The following C2orf76 variants were observed in gnomAD, a reference collection of about 807,000 sequenced individuals.
The protein encoded by C2orf76 is chromosome 2 open reading frame 76, also known as UPF0538 protein C2orf76.
In C2orf76, 23 loss-of-function variants were observed where a neutral mutation model predicts 16.9. That is an observed-to-expected ratio of 1.36 (90% CI 0.98 to 1.93). C2orf76 has a LOEUF of 1.93. C2orf76 is among the 30% of genes most tolerant of loss of function. The pLI is 0.00. For missense variants in C2orf76, 152 were observed against 152.6 expected, an observed-to-expected ratio of 1.00 and a Z score of 0.02; for synonymous variants, 48 against 52.3, an observed-to-expected ratio of 0.92 and a Z score of 0.35.
At chr2:119,365,194 C>G (rs945734653) in intron 1 of C2orf76, among the ~76,000 whole-genome samples, 59 of 152,184 alleles carry the variant, frequency 3.9e-4, no homozygotes, top group African/African-American at 1.4e-3. Flanking sequence ...TAACTTAAAA[C>G]CTGCTGACTA....
intron 2 of C2orf76, among the ~76,000 whole-genome samples, chr2:119,331,803 T>A (rs980085520): frequency 6.6e-6 from 1 of 152,212 alleles, no homozygotes. Context: ...CTGGTCCCAC[T>A]CCATCTTGGC....
chr2:119,342,681 G>A (rs192261382), intron 1 of C2orf76, among the ~76,000 whole-genome samples: 88 of 152,204 alleles, frequency 5.8e-4, no homozygotes, highest in Non-Finnish European at 1.0e-3. Flanking sequence ...TATGTACTTG[G>A]GAAGGAATAA....
intron 5 of C2orf76, chr2:119,311,322 G>C: frequency 2.0e-6 from 2 of 985,464 alleles, no homozygotes; most frequent in Non-Finnish European, 2.4e-6. Context: ...AATGATAAGA[G>C]TAAGTAGACG....
chr2:119,286,317 G>A, the C2orf76 span, among the ~76,000 whole-genome samples: 60 of 152,084 alleles, frequency 3.9e-4, no homozygotes, highest in Non-Finnish European at 8.1e-4. Context: ...AAGGAGAGCA[G>A]GGACCAGTCT....
intron 5 of C2orf76, among the ~76,000 whole-genome samples, chr2:119,306,899 C>G (rs6542520): frequency 0.71 from 107,170 of 151,916 alleles, 38,618 homozygotes; most frequent in African/African-American, 0.86. Flanking sequence ...CTTCAAACAC[C>G]TTTTTTTCCC....
chr2:119,366,922 G>A, upstream of C2orf76: 1 of 1,202,190 alleles, frequency 8.3e-7, no homozygotes, highest in Non-Finnish European at 1.2e-6. Flanking sequence ...TGGCTTTCCG[G>A]TGCTCGCCCG....
At chr2:119,344,040 T>C (rs975553642) in intron 1 of C2orf76, among the ~76,000 whole-genome samples, 18 of 152,354 alleles carry the variant, frequency 1.2e-4, no homozygotes, top group Admixed American at 4.6e-4. Flanking sequence ...AATTACAGGT[T>C]TGTTATTTTC....
At chr2:119,282,451 T>A in the C2orf76 span, among the ~76,000 whole-genome samples, 3 of 152,228 alleles carry the variant, frequency 2.0e-5, no homozygotes, top group African/African-American at 7.2e-5. Flanking sequence ...ACAGCCAGCT[T>A]GCTCCTGTTC....
At chr2:119,302,630 A>C (rs1308483855) in intron 5 of C2orf76, 82 bp from the exon 6 acceptor site, 1 of 796,174 alleles carries the variant, frequency 1.3e-6, no homozygotes, top group Non-Finnish European at 1.9e-6. Context: ...TATGACTTTG[A>C]TTCGGTATTT....
intron 5 of C2orf76, among the ~76,000 whole-genome samples, chr2:119,308,424 G>A (rs1195210329): frequency 6.6e-5 from 10 of 152,188 alleles, no homozygotes; most frequent in Admixed American, 4.6e-4. Context: ...GTGGAAAACC[G>A]AGGTCAGGAG....
At chr2:119,364,526 A>C (rs1680863268) in intron 1 of C2orf76, among the ~76,000 whole-genome samples, 1 of 152,230 alleles carries the variant, frequency 6.6e-6, no homozygotes, top group Non-Finnish European at 1.5e-5. Flanking sequence ...AGAGAAAAAC[A>C]CTTTATTCAT....
At chr2:119,340,088 A>T in intron 1 of C2orf76, 117 bp from the exon 2 acceptor site, 10 of 1,157,772 alleles carry the variant, frequency 8.6e-6, no homozygotes, top group Non-Finnish European at 1.2e-5. Flanking sequence ...ATGCTGCATG[A>T]TCACTGACAG....
chr2:119,356,685 T>C (rs1003728752), intron 1 of C2orf76, among the ~76,000 whole-genome samples: 5 of 149,126 alleles, frequency 3.4e-5, no homozygotes, highest in Admixed American at 6.7e-5. Flanking sequence ...AGAAAAACAA[T>C]AGAAAATCCA....
intron 1 of C2orf76, among the ~76,000 whole-genome samples, chr2:119,357,028 A>G (rs766903291): frequency 2.0e-5 from 3 of 152,158 alleles, no homozygotes; most frequent in East Asian, 1.9e-4. Flanking sequence ...AGAAATCTCT[A>G]TAAGAACCTG....
chr2:119,298,313 GT>G (rs1158246545), downstream of C2orf76, among the ~76,000 whole-genome samples: 1 of 151,510 alleles, frequency 6.6e-6, no homozygotes, highest in African/African-American at 2.4e-5. Context: ...ACCCTTAACT[GT>G]TTTTTTTAAA....
the C2orf76 span, among the ~76,000 whole-genome samples, chr2:119,289,329 T>G: frequency 0.67 from 101,568 of 151,860 alleles, 34,840 homozygotes; most frequent in African/African-American, 0.8. Context: ...TGTTCCATCT[T>G]GCACTTAACC....
At chr2:119,290,903 C>T in the C2orf76 span, among the ~76,000 whole-genome samples, 1 of 152,234 alleles carries the variant, frequency 6.6e-6, no homozygotes, top group Admixed American at 6.5e-5. Context: ...ACTAGTACAA[C>T]ATGCCACCCC....
chr2:119,313,773 T>C (rs1679074976), intron 4 of C2orf76, among the ~76,000 whole-genome samples: 1 of 152,132 alleles, frequency 6.6e-6, no homozygotes. Context: ...CCCAACACAG[T>C]ATATTAGCAA....
chr2:119,355,648 T>G (rs1011198707), intron 1 of C2orf76, among the ~76,000 whole-genome samples: 4 of 152,140 alleles, frequency 2.6e-5, no homozygotes, highest in African/African-American at 9.7e-5. Flanking sequence ...TATTGTGAAC[T>G]GAGCATATGA....
Sources: allele counts gnomAD v4.1 joint callset (sites outside exome capture counted in the v4.1 genomes callset), GRCh38; gene constraint gnomAD v4.1.1; transcripts MANE v1.5; gene names NCBI Gene and HGNC (gene_info 2026-07-23, HGNC 2026-07-21).